PAPOLB: variants seen among roughly 807,000 people sequenced by gnomAD.
PAPOLB encodes PAP-beta.
PAPOLB carries 19 observed loss-of-function variants against 23.2 expected under a neutral mutation model. That is an observed-to-expected ratio of 0.82 (90% CI 0.57 to 1.20). The LOEUF (loss-of-function observed/expected upper bound fraction) is 1.20, where lower values mean the gene tolerates loss of function less well. Ranked by LOEUF, PAPOLB falls within the 50% of genes most tolerant of loss-of-function variation. PAPOLB has a pLI of 0.00. For missense variants in PAPOLB, 822 were observed against 776.8 expected (o/e 1.06, Z -0.69); for synonymous variants, 360 against 290.7 (o/e 1.24, Z -2.43).
In PAPOLB at chr7:4,860,259, C is replaced by G; in HGVS notation, c.1552G>C (p.Asp518His). ...AHSTEGRRLT[D>H]LNDSSFDLSA... ...AAGTCAAAGCTGCTGTCGTTCAAAT[C>G]TGTCAATCTTCTACCTTCTGTTGAG... The change falls in exon 1 of 1, where the codon GAT becomes CAT. Residue 518 changes from aspartate (D) to histidine (H), a missense_variant. Asp to His is a moderately conservative substitution (Grantham distance 81). This residue lies in a region of PAPOLB where 534 missense variants were observed against 502.8 expected (regional missense o/e 1.06). Coordinates refer to ENST00000404991, the MANE Select transcript of PAPOLB (RefSeq NM_020144.5). 2.5e-6 allele frequency: 4 copies of G among 1,613,982 alleles called. No individual in the cohort carries two copies. Among genetic ancestry groups the G allele is most frequent in the Admixed American group, 1.7e-5 (1 of 60,028 alleles).
chr7:4,861,750 AGCGATTCGGC>A lies in PAPOLB; in HGVS notation c.51_60del (p.Pro18ThrfsTer9). 6.6e-7 allele frequency: 1 copy of A among 1,504,996 alleles called. No homozygotes were observed. Among genetic ancestry groups the A allele is most frequent in the Non-Finnish European group, 8.9e-7 (1 of 1,129,436 alleles). 93.2% of individuals were successfully genotyped at this position (1,504,996 alleles called of 1,614,324 possible). ...AGACTGATAGGCGAGGAGACGCCGTAGCGATTCGGCGGCGGCGCCGGCTGCGGTGGTCCCT... is the reference window on the plus strand; with the variant it reads ...AGACTGATAGGCGAGGAGACGCCGTAGGCGGCGCCGGCTGCGGTGGTCCCT... On this transcript the variant is annotated frameshift_variant, in exon 1 of 1. Transcript: ENST00000404991. LOFTEE classifies it high-confidence loss of function.
rs1338350374 is a variant in PAPOLB, at chr7:4,861,443, C to G, written c.368G>C (p.Ser123Thr). 1.9e-6 allele frequency: 3 copies of G among 1,614,144 alleles called. No individual in the cohort carries two copies. The South Asian group carries it at 3.3e-5, about 18-fold the overall frequency. ...ADIDALCVAPSHVDRSDFFTS... is the reference protein window; with the variant it reads ...ADIDALCVAPTHVDRSDFFTS... ...GAAAAAGTCGCTTCGATCCACATGA[C>G]TTGGTGCAACGCACAAGGCGTCAAT... is the stretch of plus-strand genomic sequence containing the variant. Residue 123 changes from serine to threonine, a missense_variant, in exon 1 of 1, where the codon AGT becomes ACT. By Grantham distance (58) the Ser-to-Thr change is moderately conservative (BLOSUM62 1). Coordinates refer to ENST00000404991, the MANE Select transcript of PAPOLB (RefSeq NM_020144.5).
In PAPOLB at chr7:4,860,023, G is replaced by C; in HGVS notation, c.1788C>G (p.His596Gln). The C allele has an allele frequency of 6.2e-7, 1 of 1,613,928 alleles. No homozygotes were observed. Among genetic ancestry groups the C allele is most frequent in the Non-Finnish European group, 8.5e-7 (1 of 1,179,822 alleles). The change falls in exon 1 of 1, where the codon CAC (histidine) becomes CAG (glutamine). Residue 596 changes from histidine to glutamine, a missense_variant. Physicochemically the swap from His to Gln is conservative, Grantham distance 24. Around this residue, in one of 3 missense-constraint regions of PAPOLB, gnomAD observed 534 missense variants for 502.8 expected, o/e 1.06. Transcript: ENST00000404991. The part of the protein sequence containing the change: ...SGVALNESIP[H>Q]AVSQPAISPS... ...GAGAAATGGCAGGCTGAGAGACAGCGTGAGGAATACTTTCGTTTAATGCAA... is the reference window on the plus strand; with the variant it reads ...GAGAAATGGCAGGCTGAGAGACAGCCTGAGGAATACTTTCGTTTAATGCAA...
rs1253567836 is a variant in PAPOLB at position 4,860,257 on chromosome 7, A to C, written c.1554T>G (p.Asp518Glu). ...ACAAGTCAAAGCTGCTGTCGTTCAA[A>C]TCTGTCAATCTTCTACCTTCTGTTG... Reference protein sequence around the residue: ...AHSTEGRRLTDLNDSSFDLSA... With the variant: ...AHSTEGRRLTELNDSSFDLSA... Residue 518 changes from aspartate to glutamate, a missense_variant, in exon 1 of 1, where the codon GAT becomes GAG. Transcript: ENST00000404991. 2 of 1,613,944 alleles carry C rather than the reference A, an allele frequency of 1.2e-6. No individual in the cohort carries two copies. The highest frequency in any genetic ancestry group is 1.7e-6 in the Non-Finnish European group (2 of 1,179,870).
rs1399421880 is a variant in PAPOLB at position 4,861,817 on chromosome 7, G to T, written c.-7C>A. ...TCACCGGAAACGGCATCATCTTTCA[G>T]CGCCCGCCCCGCCAGGGCACGTCCC... On this transcript the variant is annotated 5_prime_UTR_variant, in exon 1 of 1. It adds an upstream start codon to the 5' untranslated region. Transcript: ENST00000404991. 4.5e-6 allele frequency: 6 copies of T among 1,328,046 alleles called. No homozygotes were observed. In the African/African-American group the frequency reaches 7.3e-5, roughly 16 times the overall value. 82.3% of individuals were successfully genotyped at this position (1,328,046 alleles called of 1,614,324 possible).
Position 4,859,610 on chromosome 7 carries a change from T to C in PAPOLB, c.*287A>G. 1 of 372,418 alleles carries C rather than the reference T, an allele frequency of 2.7e-6. No homozygotes were observed. Among genetic ancestry groups the C allele is most frequent in the Non-Finnish European group, 4.9e-6 (1 of 202,188 alleles). The allele number at this position is 372,418 out of a possible 1,614,324, so 23.1% of individuals were successfully genotyped here. On this transcript the variant is annotated 3_prime_UTR_variant, in exon 1 of 1. Transcript: ENST00000404991. ...ACCCCTCATTCTCCTTCCTTAGTAT[T>C]TGAAGACAACAGGTTCAGTTGGCAG...
rs2115028597 is a variant in PAPOLB, at chr7:4,857,824, G to C, written c.*2073C>G. 1.3e-5 allele frequency: 2 copies of C among 152,654 alleles called. No homozygotes were observed. The highest frequency in any genetic ancestry group is 4.1e-4 in the South Asian group (2 of 4,822). 9.5% of individuals were successfully genotyped at this position (152,654 alleles called of 1,614,324 possible). ...AGTGCTTGAATATACCAGGAGTACA[G>C]ATACCATAAAACAAAGCAAACTCCA... On this transcript the variant is annotated 3_prime_UTR_variant, in exon 1 of 1. Transcript: ENST00000404991.
In PAPOLB at chr7:4,860,739, C is replaced by G; in HGVS notation, c.1072G>C (p.Glu358Gln). The change falls in exon 1 of 1, where the codon GAG (glutamate) becomes CAG (glutamine). Residue 358 changes from glutamate to glutamine, a missense_variant. Coordinates refer to ENST00000404991, the MANE Select transcript of PAPOLB (RefSeq NM_020144.5). ...GGAGCTTCAAAGAGTTTGGACCACT[C>G]TGCCTTACTTAGCAAAATCTCGTGT... is the stretch of plus-strand genomic sequence containing the variant. ...ITHEILLSKA[E>Q]WSKLFEAPSF... 1 of 1,614,128 alleles carries G rather than the reference C, an allele frequency of 6.2e-7. No homozygotes were observed. Among genetic ancestry groups the G allele is most frequent in the Non-Finnish European group, 8.5e-7 (1 of 1,179,996 alleles).
chr7:4,860,233 C>T lies in PAPOLB; in HGVS notation c.1578G>A (p.Leu526=), dbSNP rs1236695625. 6.2e-7 allele frequency: 1 copy of T among 1,613,996 alleles called. No homozygotes were observed. The highest frequency in any genetic ancestry group is 1.7e-5 in the Admixed American group (1 of 60,020). ...ACATGCTGTTTTCACAGCCTGCAGACAAGTCAAAGCTGCTGTCGTTCAAAT... is the reference window on the plus strand; with the variant it reads ...ACATGCTGTTTTCACAGCCTGCAGATAAGTCAAAGCTGCTGTCGTTCAAAT... The part of the protein sequence containing the change: ...LTDLNDSSFD[L]SAGCENSMSV... The change falls in exon 1 of 1, where the codon TTG becomes TTA. Residue 526 remains leucine, a synonymous_variant. Coordinates refer to ENST00000404991, the MANE Select transcript of PAPOLB (RefSeq NM_020144.5).
Position 4,860,101 on chromosome 7 carries a change from T to C in PAPOLB, c.1710A>G (p.Ile570Met). 6.2e-7 allele frequency: 1 copy of C among 1,614,038 alleles called. No individual in the cohort carries two copies. Among genetic ancestry groups the C allele is most frequent in the Non-Finnish European group, 8.5e-7 (1 of 1,179,890 alleles). ...GTTGCAAGGAAAATTCAGTAGCCTG[T>C]ATGTTAGCCACAGATGCTGTCATTA... ...LAVMTASVAN[I>M]QATEFSLQQV... is the part of the protein sequence containing the mutation. The change falls in exon 1 of 1, where the codon ATA becomes ATG. Residue 570 changes from isoleucine (I) to methionine (M), a missense_variant. By Grantham distance (10) the Ile-to-Met change is conservative (BLOSUM62 1). Coordinates refer to ENST00000404991, the MANE Select transcript of PAPOLB (RefSeq NM_020144.5).
rs1285628403 is a variant in PAPOLB at position 4,859,843 on chromosome 7, T to C, written c.*54A>G. The C allele has an allele frequency of 8.8e-7, 1 of 1,138,556 alleles. No individual in the cohort carries two copies. Among genetic ancestry groups the C allele is most frequent in the Non-Finnish European group, 1.3e-6 (1 of 783,962 alleles). The allele number at this position is 1,138,556 out of a possible 1,614,324, so 70.5% of individuals were successfully genotyped here. A position where few individuals can be genotyped will look rare whatever the true frequency, so the allele number is the denominator to read the frequency against. ...GTATTGAGTTTCTCCTCTTCCGTTT[T>C]GGTTTTCTTGGTCCTTTCTTCTTTA... On this transcript the variant is annotated 3_prime_UTR_variant, in exon 1 of 1. Coordinates refer to ENST00000404991, the MANE Select transcript of PAPOLB (RefSeq NM_020144.5).
In PAPOLB at chr7:4,861,016, T is replaced by C; in HGVS notation, c.795A>G (p.Val265=). The C allele has an allele frequency of 6.2e-7, 1 of 1,614,244 alleles. No homozygotes were observed. Among genetic ancestry groups the C allele is most frequent in the Non-Finnish European group, 8.5e-7 (1 of 1,180,040 alleles). ...AGAATTTCCGTACAAGAGTTGACGCTACTGCATTTGGATAAAGCTGACAAG... is the reference window on the plus strand; with the variant it reads ...AGAATTTCCGTACAAGAGTTGACGCCACTGCATTTGGATAAAGCTGACAAG... ...ARTCQLYPNA[V]ASTLVRKFFL... The change falls in exon 1 of 1, where the codon GTA becomes GTG. Residue 265 remains valine (V), a synonymous_variant. Transcript: ENST00000404991.
chr7:4,861,017 A>C lies in PAPOLB; in HGVS notation c.794T>G (p.Val265Gly), dbSNP rs1192723986. 44 of 1,614,094 alleles carry C rather than the reference A, an allele frequency of 2.7e-5. No individual in the cohort carries two copies. Among genetic ancestry groups the C allele is most frequent in the Non-Finnish European group, 3.6e-5 (42 of 1,180,028 alleles). Residue 265 changes from valine to glycine, a missense_variant, in exon 1 of 1, where the codon GTA (valine) becomes GGA (glycine). This residue lies in a region of PAPOLB where 534 missense variants were observed against 502.8 expected (regional missense o/e 1.06). Transcript: ENST00000404991. The stretch of plus-strand genomic sequence containing the variant: ...GAATTTCCGTACAAGAGTTGACGCT[A>C]CTGCATTTGGATAAAGCTGACAAGT... ...ARTCQLYPNA[V>G]ASTLVRKFFL...
In PAPOLB at chr7:4,860,285, T is replaced by G. The variant is rs1262995308; in HGVS notation, c.1526A>C (p.His509Pro). The G allele has an allele frequency of 6.2e-7, 1 of 1,613,790 alleles. No individual in the cohort carries two copies. Among genetic ancestry groups the G allele is most frequent in the Non-Finnish European group, 8.5e-7 (1 of 1,179,830 alleles). Residue 509 changes from histidine to proline, a missense_variant, in exon 1 of 1, where the codon CAC becomes CCC. His to Pro is a moderately conservative substitution (Grantham distance 77, BLOSUM62 -2). This residue lies in a region of PAPOLB where 534 missense variants were observed against 502.8 expected (regional missense o/e 1.06). Transcript: ENST00000404991. ...PHHVLQDKKA[H>P]STEGRRLTDL... ...TGTCAATCTTCTACCTTCTGTTGAG[T>G]GTGCTTTCTTGTCCTGAAGCACATG...
In PAPOLB at chr7:4,857,958, T is replaced by C. The variant is rs1783874027; in HGVS notation, c.*1939A>G. ...GTAAAACAGACACAGTTACAGGTAATGTTTAATAAACTAATTTTTTTCCCA... is the reference window on the plus strand; with the variant it reads ...GTAAAACAGACACAGTTACAGGTAACGTTTAATAAACTAATTTTTTTCCCA... On this transcript the variant is annotated 3_prime_UTR_variant, in exon 1 of 1. Transcript: ENST00000404991. 6.6e-6 allele frequency: 1 copy of C among 152,634 alleles called. No homozygotes were observed. Among genetic ancestry groups the C allele is most frequent in the South Asian group, 2.1e-4 (1 of 4,834 alleles). 9.5% of individuals were successfully genotyped at this position (152,634 alleles called of 1,614,324 possible).
At position 4,860,624 on chromosome 7, in the gene PAPOLB, TCCA is replaced by T. The variant is rs1479570715; in HGVS notation, c.1184_1186del (p.Val395del). 6 of 1,614,140 alleles carry T rather than the reference TCCA, an allele frequency of 3.7e-6. No homozygotes were observed. The highest frequency in any genetic ancestry group is 4.2e-6 in the Non-Finnish European group (5 of 1,179,966). On this transcript the variant is annotated inframe_deletion, in exon 1 of 1. Transcript: ENST00000404991. ...CCCAACCAGGATTCGGATCTTTGAT[TCCA>T]CCAAGCCCACCCATTCTAAATGTTG...
rs759491706 is a variant in PAPOLB, at chr7:4,861,166, C to G, written c.645G>C (p.Val215=). ...TCAGCCTGAAGTTGTCAATGTTTGGCACTAGATGTAAAATTTCATCGGTTA... is the reference window on the plus strand; with the variant it reads ...TCAGCCTGAAGTTGTCAATGTTTGGGACTAGATGTAAAATTTCATCGGTTA... The part of the protein sequence containing the change: ...CRVTDEILHL[V]PNIDNFRLTL... Residue 215 remains valine (V), a synonymous_variant, in exon 1 of 1, where the codon GTG becomes GTC. Coordinates refer to ENST00000404991, the MANE Select transcript of PAPOLB (RefSeq NM_020144.5). The G allele has an allele frequency of 4.3e-6, 7 of 1,614,232 alleles. No individual in the cohort carries two copies. Among genetic ancestry groups the G allele is most frequent in the Non-Finnish European group, 5.1e-6 (6 of 1,180,040 alleles).
rs1783889122 is a variant in PAPOLB at position 4,858,440 on chromosome 7, C to G, written c.*1457G>C. Reference sequence around the variant, plus strand: ...AGATTTTTTTTAACTTAAAGTATTGCTGATCTTTTGTAGACTAAAAGAGCA... The same window carrying G: ...AGATTTTTTTTAACTTAAAGTATTGGTGATCTTTTGTAGACTAAAAGAGCA... On this transcript the variant is annotated 3_prime_UTR_variant, in exon 1 of 1. Transcript: ENST00000404991. 6.6e-6 allele frequency: 1 copy of G among 152,450 alleles called. No homozygotes were observed. Among genetic ancestry groups the G allele is most frequent in the Admixed American group, 6.5e-5 (1 of 15,270 alleles). 9.4% of individuals were successfully genotyped at this position (152,450 alleles called of 1,614,324 possible). A position where few individuals can be genotyped will look rare whatever the true frequency, so the allele number is the denominator to read the frequency against.
rs780741709 is a variant in PAPOLB, at chr7:4,861,366, C to T, written c.445G>A (p.Ala149Thr). The change falls in exon 1 of 1, where the codon GCT (alanine) becomes ACT (threonine). Residue 149 changes from alanine to threonine, a missense_variant. Transcript: ENST00000404991. ...ACTGGCACAAATGCCTCCTCGACAG[C>T]CCTTAAATCTTTCACTTCCTCCTGT... ...KLQEEVKDLR[A>T]VEEAFVPVIK... 1.9e-6 allele frequency: 3 copies of T among 1,614,046 alleles called. No individual in the cohort carries two copies. Among genetic ancestry groups the T allele is most frequent in the African/African-American group, 1.3e-5 (1 of 74,948 alleles).
Sources: gnomAD v4.1 joint callset for allele counts on GRCh38, gnomAD v4.1.1 for gene constraint, gnomAD v4.1.1 regional missense constraint, MANE v1.5 for transcripts, NCBI Gene and HGNC (gene_info 2026-07-23, HGNC 2026-07-21) for gene names.